Variants in ADAMTS18 observed in about 807,000 individuals in gnomAD.
ADAMTS18 encodes A disintegrin and metalloproteinase with thrombospondin motifs 18.
In ADAMTS18, 157 loss-of-function variants were observed where a neutral mutation model predicts 165.9. The ratio of observed to expected loss-of-function variants is 0.95; its 90% CI spans 0.83 to 1.08. The LOEUF (loss-of-function observed/expected upper bound fraction) is 1.08, where lower values mean the gene tolerates loss of function less well. ADAMTS18 is among the 50% of genes least tolerant of loss of function. The pLI is 0.00. For synonymous variants in ADAMTS18, 782 were observed against 578.2 expected, an observed-to-expected ratio of 1.35 and a Z score of -5.06; for missense variants, 2,040 against 1,534.0, an observed-to-expected ratio of 1.33 and a Z score of -5.51.
chr16:77,358,900 T>C (rs1276309142), intron 8 of ADAMTS18, among the ~76,000 whole-genome samples: 1 of 152,228 alleles, frequency 6.6e-6, no homozygotes, highest in Non-Finnish European at 1.5e-5. Context: ...GTACATGCAA[T>C]GTTGCCAACT....
chr16:77,315,349 A>T (rs181053970), intron 16 of ADAMTS18, among the ~76,000 whole-genome samples: 16 of 152,310 alleles, frequency 1.1e-4, no homozygotes, highest in Admixed American at 7.2e-4. Context: ...TTGTAAACTG[A>T]ATTTGCATAG....
chr16:77,423,325 G>T (rs1402540072), intron 3 of ADAMTS18, among the ~76,000 whole-genome samples: 1 of 152,128 alleles, frequency 6.6e-6, no homozygotes, highest in Non-Finnish European at 1.5e-5. Context: ...TGGATTGTAA[G>T]AACTGTCAGC....
chr16:77,291,365 TTTC>T lies in ADAMTS18; in HGVS notation c.3300_3302del (p.Lys1101del). On this transcript the variant is annotated inframe_deletion, in exon 21 of 23. Coordinates refer to ENST00000282849, the MANE Select transcript of ADAMTS18 (RefSeq NM_199355.4). ...AGGTCTCTTCCAAGTCCAGATTTGGTTTCTTAATATTACGGCATCTTCGCTCTG... is the reference window on the plus strand; with the variant it reads ...AGGTCTCTTCCAAGTCCAGATTTGGTTTAATATTACGGCATCTTCGCTCTG... The T allele has an allele frequency of 6.2e-7, 1 of 1,614,046 alleles. No individual in the cohort carries two copies. Among genetic ancestry groups the T allele is most frequent in the Non-Finnish European group, 8.5e-7 (1 of 1,179,976 alleles).
chr16:77,419,877 T>A (rs1047797464), intron 3 of ADAMTS18, among the ~76,000 whole-genome samples: 3 of 151,646 alleles, frequency 2.0e-5, no homozygotes, highest in African/African-American at 7.3e-5. Flanking sequence ...GTGGCGCCTG[T>A]AATCCCAGCT....
Position 77,283,228 on chromosome 16 carries a change from A to ATGAGT in ADAMTS18, c.*723_*727dup, listed in dbSNP as rs1207243751. 1.3e-5 allele frequency: 2 copies of ATGAGT among 152,570 alleles called. No homozygotes were observed. Among genetic ancestry groups the ATGAGT allele is most frequent in the African/African-American group, 4.8e-5 (2 of 41,424 alleles). The allele number at this position is 152,570 out of a possible 1,614,324, so 9.5% of individuals were successfully genotyped here. A position where few individuals can be genotyped will look rare whatever the true frequency, so the allele number is the denominator to read the frequency against. On this transcript the variant is annotated 3_prime_UTR_variant, in exon 23 of 23. Transcript: ENST00000282849. ...AAGGGCATCCATATTTATCTTTTCT[A>ATGAGT]TGAGTTGTTTCCTTGCATGAATTTC...
chr16:77,286,966 G>A (rs373731608), intron 22 of ADAMTS18, among the ~76,000 whole-genome samples: 1 of 152,178 alleles, frequency 6.6e-6, no homozygotes, highest in Non-Finnish European at 1.5e-5. Context: ...CACTGATGAT[G>A]ATATACAATG....
chr16:77,382,676 A>T (rs1423188828), intron 3 of ADAMTS18, among the ~76,000 whole-genome samples: 1 of 152,208 alleles, frequency 6.6e-6, no homozygotes, highest in African/African-American at 2.4e-5. Flanking sequence ...TTTCAAAGGA[A>T]GCTTAAGGTT....
chr16:77,398,057 C>T (rs1292924691), intron 3 of ADAMTS18, among the ~76,000 whole-genome samples: 1 of 152,152 alleles, frequency 6.6e-6, no homozygotes, highest in East Asian at 1.9e-4. Context: ...TGGCTCACAC[C>T]TATAATCCCA....
At chr16:77,286,774 G>C (rs1475475721) in intron 22 of ADAMTS18, among the ~76,000 whole-genome samples, 3 of 152,240 alleles carry the variant, frequency 2.0e-5, no homozygotes, top group African/African-American at 7.2e-5. Flanking sequence ...AGCCCAGGTA[G>C]CTTCCAGACA....
chr16:77,317,212 C>T (rs989198678), intron 16 of ADAMTS18, among the ~76,000 whole-genome samples: 6 of 152,196 alleles, frequency 3.9e-5, no homozygotes, highest in African/African-American at 1.4e-4. Flanking sequence ...TACCCTCCAA[C>T]ACTCTAAGTT....
intron 9 of ADAMTS18, among the ~76,000 whole-genome samples, chr16:77,354,460 T>C (rs2056599769): frequency 6.6e-6 from 1 of 152,052 alleles, no homozygotes; most frequent in Non-Finnish European, 1.5e-5. Context: ...TTCCTTCAGA[T>C]ATGTTTGACT....
At chr16:77,315,401 A>G (rs2055869017) in intron 16 of ADAMTS18, among the ~76,000 whole-genome samples, 1 of 152,202 alleles carries the variant, frequency 6.6e-6, no homozygotes, top group Non-Finnish European at 1.5e-5. Context: ...ATACCTTAAA[A>G]TCTGGATAGA....
chr16:77,400,642 C>T (rs1251789034), intron 3 of ADAMTS18, among the ~76,000 whole-genome samples: 1 of 151,770 alleles, frequency 6.6e-6, no homozygotes, highest in Non-Finnish European at 1.5e-5. Context: ...TCACCGCACC[C>T]GGCTAATTTT....
chr16:77,340,669 C>G (rs952540221), intron 11 of ADAMTS18, among the ~76,000 whole-genome samples: 5 of 152,142 alleles, frequency 3.3e-5, no homozygotes, highest in Non-Finnish European at 2.9e-5. Flanking sequence ...CAGCCTCAAA[C>G]TCCTGGGTTG....
intron 17 of ADAMTS18, chr16:77,299,960 T>C (rs2055548600): frequency 4.7e-6 from 1 of 210,994 alleles, no homozygotes; most frequent in Non-Finnish European, 9.6e-6. Context: ...AACATATATA[T>C]ATAATATAAA....
chr16:77,415,836 T>C (rs572711417), intron 3 of ADAMTS18, among the ~76,000 whole-genome samples: 8 of 152,132 alleles, frequency 5.3e-5, no homozygotes, highest in African/African-American at 1.4e-4. Flanking sequence ...ATATCCAATG[T>C]ATGAAGCACT....
At chr16:77,400,055 C>A (rs1170920830) in intron 3 of ADAMTS18, among the ~76,000 whole-genome samples, 1 of 152,146 alleles carries the variant, frequency 6.6e-6, no homozygotes, top group Admixed American at 6.5e-5. Context: ...CGCCCCATAG[C>A]CAGATATCTC....
At chr16:77,307,500 C>G (rs531548403) in intron 16 of ADAMTS18, among the ~76,000 whole-genome samples, 2 of 152,306 alleles carry the variant, frequency 1.3e-5, no homozygotes, top group African/African-American at 2.4e-5. Flanking sequence ...AGTTCTAATT[C>G]AACTCATCAA....
chr16:77,377,307 C>T (rs1421762637), intron 3 of ADAMTS18, among the ~76,000 whole-genome samples: 1 of 152,092 alleles, frequency 6.6e-6, no homozygotes, highest in Non-Finnish European at 1.5e-5. Flanking sequence ...AGGATGAGTG[C>T]ACAATTAATT....
Sources: allele counts gnomAD v4.1 joint callset (sites outside exome capture counted in the v4.1 genomes callset), GRCh38; gene constraint gnomAD v4.1.1; transcripts MANE v1.5; gene names NCBI Gene and HGNC (gene_info 2026-07-23, HGNC 2026-07-21).